ARHGEF28: variants seen among roughly 807,000 people sequenced by gnomAD.
ARHGEF28 encodes the protein 190 kDa guanine nucleotide exchange factor.
In ARHGEF28, 152 loss-of-function variants were observed where a neutral mutation model predicts 206.6. The observed-to-expected ratio is 0.74, with a 90% CI of 0.64 to 0.84. The LOEUF (loss-of-function observed/expected upper bound fraction) is 0.84, where lower values mean the gene tolerates loss of function less well. ARHGEF28 is among the 40% of genes least tolerant of loss of function. The pLI, the probability that ARHGEF28 is intolerant of heterozygous loss-of-function variation, is 0.00. For missense variants in ARHGEF28, 2,028 were observed against 2,073.2 expected (o/e 0.98, Z 0.42); for synonymous variants, 763 against 776.4 (o/e 0.98, Z 0.29).
chr5:73,852,890 G>T (rs1162061422), intron 14 of ARHGEF28, among the ~76,000 whole-genome samples, 198 bp downstream of exon 14: 1 of 152,204 alleles, frequency 6.6e-6, no homozygotes, highest in East Asian at 1.9e-4. Context: ...GGCTGTGCAG[G>T]CCTCAGGATT....
At chr5:73,811,966 G>C (rs1256085489) in intron 9 of ARHGEF28, among the ~76,000 whole-genome samples, 1 of 132,132 alleles carries the variant, frequency 7.6e-6, no homozygotes, top group East Asian at 2.2e-4. Flanking sequence ...CTAGGCGACA[G>C]AGTGAGCCTG....
intron 6 of ARHGEF28, 149 bp from the exon 7 acceptor site, chr5:73,780,527 T>G (rs1404628881): frequency 2.7e-6 from 2 of 743,776 alleles, no homozygotes; most frequent in Non-Finnish European, 4.3e-6. Flanking sequence ...GCTGGCTATA[T>G]GTTCTCCCAG....
At chr5:73,647,205 T>A (rs910796672) in intron 1 of ARHGEF28, among the ~76,000 whole-genome samples, 3 of 152,208 alleles carry the variant, frequency 2.0e-5, no homozygotes, top group Non-Finnish European at 4.4e-5. Flanking sequence ...TAATTTTATG[T>A]ATAAAATTAT....
chr5:73,739,800 G>A (rs1751249409), intron 2 of ARHGEF28, among the ~76,000 whole-genome samples: 1 of 146,576 alleles, frequency 6.8e-6, no homozygotes. Context: ...TACTGAACAA[G>A]GTCCTGTCTC....
At chr5:73,807,187 G>T (rs1384828855) in intron 9 of ARHGEF28, among the ~76,000 whole-genome samples, 2 of 151,890 alleles carry the variant, frequency 1.3e-5, no homozygotes, top group Non-Finnish European at 2.9e-5. Context: ...CCCCTGCTCT[G>T]TCCAGACTTG....
At chr5:73,926,388 A>G (rs892186170) in intron 35 of ARHGEF28, among the ~76,000 whole-genome samples, 1 of 152,166 alleles carries the variant, frequency 6.6e-6, no homozygotes, top group African/African-American at 2.4e-5. Context: ...AAGTTGACAC[A>G]GGCCATAGAA....
chr5:73,728,682 G>A (rs1451617500), intron 2 of ARHGEF28, among the ~76,000 whole-genome samples: 1 of 152,132 alleles, frequency 6.6e-6, no homozygotes, highest in East Asian at 1.9e-4. Context: ...AAGAGAAAAC[G>A]TTTCTCATTG....
At chr5:73,909,935 A>G in intron 34 of ARHGEF28, 38 bp downstream of exon 34, 1 of 1,477,772 alleles carries the variant, frequency 6.8e-7, no homozygotes, top group Admixed American at 2.4e-5. Context: ...CAGCCTCTCA[A>G]AGACAGGGGT....
At chr5:73,703,666 TGTGTG>T (rs1748735440) in intron 2 of ARHGEF28, among the ~76,000 whole-genome samples, 2 of 149,566 alleles carry the variant, frequency 1.3e-5, no homozygotes, top group Non-Finnish European at 3.0e-5. Context: ...TGTGTGTGTG[TGTGTG>T]TGTTATGAGT....
intron 7 of ARHGEF28, among the ~76,000 whole-genome samples, chr5:73,793,979 C>T (rs1019182699): frequency 2.0e-5 from 3 of 152,056 alleles, no homozygotes; most frequent in Non-Finnish European, 4.4e-5. Context: ...TAATGAATTA[C>T]GCTCTTTTAA....
chr5:73,684,976 A>T, intron 2 of ARHGEF28, 92 bp downstream of exon 2: 2 of 1,383,892 alleles, frequency 1.4e-6, no homozygotes, highest in Non-Finnish European at 2.0e-6. Flanking sequence ...TTTTCTTGCT[A>T]TTGAGTTAAG....
In ARHGEF28 at chr5:73,753,012, G is replaced by C; in HGVS notation, c.285G>C (p.Met95Ile). The C allele has an allele frequency of 1.2e-6, 2 of 1,613,158 alleles. No individual in the cohort carries two copies. The highest frequency in any genetic ancestry group is 4.5e-5 in the East Asian group (2 of 44,854). The change falls in exon 4 of 36, where the codon ATG becomes ATC. Residue 95 changes from methionine (M) to isoleucine (I), a missense_variant. Physicochemically the swap from Met to Ile is conservative, Grantham distance 10 (BLOSUM62 1). Around this residue, in one of 3 missense-constraint regions of ARHGEF28, gnomAD observed 1,002 missense variants for 1,015.3 expected, o/e 0.99. Transcript: ENST00000513042. ...GSGSVTYVDN[M>I]ACRLARLLVT... ...GCTCAGTGACCTACGTGGACAACATGGCTTGCAGGCTGGCTCGTCTGCTGG... is the reference window on the plus strand; with the variant it reads ...GCTCAGTGACCTACGTGGACAACATCGCTTGCAGGCTGGCTCGTCTGCTGG...
intron 2 of ARHGEF28, among the ~76,000 whole-genome samples, chr5:73,714,910 G>A (rs1175865542): frequency 3.3e-5 from 5 of 152,086 alleles, no homozygotes; most frequent in East Asian, 1.9e-4. Context: ...TCTCCCTAGC[G>A]TGTGAGTGTT....
intron 27 of ARHGEF28, among the ~76,000 whole-genome samples, 194 bp from the exon 28 acceptor site, chr5:73,893,003 A>G (rs1315194573): frequency 3.3e-5 from 5 of 152,326 alleles, no homozygotes; most frequent in African/African-American, 4.8e-5. Context: ...TTTGAGAGCC[A>G]TGTAATGTTA....
intron 9 of ARHGEF28, chr5:73,813,333 G>T (rs1158339580): frequency 4.2e-6 from 1 of 238,924 alleles, no homozygotes; most frequent in Non-Finnish European, 6.8e-6. Flanking sequence ...GCCACTCTTA[G>T]CTCCCCCACT....
intron 35 of ARHGEF28, among the ~76,000 whole-genome samples, chr5:73,921,692 C>G (rs1163573778): frequency 6.6e-6 from 1 of 151,996 alleles, no homozygotes; most frequent in African/African-American, 2.4e-5. Flanking sequence ...CTTTTTCTTT[C>G]TAAAACATAA....
Position 73,857,727 on chromosome 5 carries a change from G to T in ARHGEF28, c.1862G>T (p.Arg621Leu), listed in dbSNP as rs115243197. ...KSESEKYKVS[R>L]TFSFLMNRMT... is the part of the protein sequence containing the mutation. ...GAGTCTGAAAAATATAAAGTGAGTC[G>T]AACTTTCAGTTTCCTCATGAATAGG... The change falls in exon 15 of 36, where the codon CGA becomes CTA. Residue 621 changes from arginine (R) to leucine (L), a missense_variant. By Grantham distance (102) the Arg-to-Leu change is moderately radical (BLOSUM62 -2). Around this residue, in one of 3 missense-constraint regions of ARHGEF28, gnomAD observed 1,002 missense variants for 1,015.3 expected, o/e 0.99. Coordinates refer to ENST00000513042, the MANE Select transcript of ARHGEF28 (RefSeq NM_001177693.2). 5.6e-6 allele frequency: 9 copies of T among 1,612,448 alleles called. No homozygotes were observed. Among genetic ancestry groups the T allele is most frequent in the Non-Finnish European group, 7.6e-6 (9 of 1,179,174 alleles).
intron 7 of ARHGEF28, among the ~76,000 whole-genome samples, chr5:73,793,052 A>G (rs1754580520): frequency 6.6e-6 from 1 of 152,158 alleles, no homozygotes; most frequent in Non-Finnish European, 1.5e-5. Context: ...AGTTGACATG[A>G]CCACACAAAA....
chr5:73,725,773 C>G (rs1750234947), intron 2 of ARHGEF28, among the ~76,000 whole-genome samples: 1 of 152,126 alleles, frequency 6.6e-6, no homozygotes, highest in Non-Finnish European at 1.5e-5. Flanking sequence ...CCAGGTCTAT[C>G]TTCCTGATTT....
Sources: gnomAD v4.1 joint callset for allele counts (sites outside exome capture counted in the v4.1 genomes callset) on GRCh38, gnomAD v4.1.1 for gene constraint, gnomAD v4.1.1 regional missense constraint, MANE v1.5 for transcripts, NCBI Gene and HGNC (gene_info 2026-07-23, HGNC 2026-07-21) for gene names.